MCF2L: variants seen among roughly 807,000 people sequenced by gnomAD.
MCF2L encodes the protein MCF.2 cell line derived transforming sequence like.
A neutral mutation model predicts 153.4 loss-of-function variants in MCF2L; 97 were observed. That is an observed-to-expected ratio of 0.63 (90% CI 0.54 to 0.75). The LOEUF (loss-of-function observed/expected upper bound fraction) is 0.75, where lower values mean the gene tolerates loss of function less well. Ranked by LOEUF, MCF2L falls within the 30% of genes least tolerant of loss-of-function variation. MCF2L has a pLI of 0.00. For missense variants in MCF2L, 1,347 were observed against 1,495.2 expected (o/e 0.90, Z 1.64); for synonymous variants, 659 against 632.2 (o/e 1.04, Z -0.64).
In MCF2L at chr13:113,035,577, T is replaced by C. The variant is rs924593176; in HGVS notation, c.279-9694T>C. 2.6e-5 allele frequency among the ~76,000 whole-genome samples: 4 copies of C among 152,162 alleles called. No homozygotes were observed. Among genetic ancestry groups the C allele is most frequent in the African/African-American group, 4.8e-5 (2 of 41,448 alleles). On this transcript the variant is annotated intron_variant, in intron 3 of 29. Coordinates refer to ENST00000535094, the MANE Select transcript of MCF2L (RefSeq NM_001112732.3). This position sits in a 1 kb window ranked among gnomAD's most constrained non-coding sequence, Gnocchi z 4.4. ...GGCTCCTTCGCCTGCTGCCTTTTTC[T>C]TCCATGAGGATGCGGTTCCCGTGTC...
At chr13:113,086,379 G>T (rs1044899300) in intron 21 of MCF2L, 130 bp downstream of exon 21, 24 of 1,372,912 alleles carry the variant, frequency 1.7e-5, no homozygotes, top group Non-Finnish European at 2.2e-5. Context: ...GAGGTCTGGG[G>T]TGGTCCCTAG....
At chr13:112,950,669 T>C (rs2081682973) in intron 2 of MCF2L, among the ~76,000 whole-genome samples, 1 of 152,202 alleles carries the variant, frequency 6.6e-6, no homozygotes, top group Non-Finnish European at 1.5e-5. Context: ...TAATTGGATG[T>C]CCACAGGGAG....
At chr13:113,092,406 T>C (rs150292783) in intron 26 of MCF2L, among the ~76,000 whole-genome samples, 3,208 of 144,796 alleles carry the variant, frequency 0.022, 60 homozygotes, top group Non-Finnish European at 0.034. Flanking sequence ...GTGGGTCATT[T>C]CCACCGTGGC....
At chr13:112,996,953 G>A (rs527916709) in intron 1 of MCF2L, among the ~76,000 whole-genome samples, 1 of 152,350 alleles carries the variant, frequency 6.6e-6, no homozygotes, top group African/African-American at 2.4e-5. Flanking sequence ...CAGCTGCTGG[G>A]CCAGTCCCGC....
intron 2 of MCF2L, among the ~76,000 whole-genome samples, chr13:113,018,795 G>T (rs183570980): frequency 3.9e-5 from 6 of 152,224 alleles, no homozygotes; most frequent in African/African-American, 9.6e-5. Context: ...TGCCCGGAAC[G>T]CAGAGGCCAC....
chr13:113,098,797 A>G lies in MCF2L; in HGVS notation c.*1938A>G, dbSNP rs2142175165. The G allele has an allele frequency of 6.6e-6, 1 of 152,388 alleles. No individual in the cohort carries two copies. Among genetic ancestry groups the G allele is most frequent in the African/African-American group, 2.4e-5 (1 of 41,594 alleles). 9.4% of individuals were successfully genotyped at this position (152,388 alleles called of 1,614,324 possible). ...AAGGCAGCAGAGGAAGCGTAGTGGA[A>G]CCATTACAGAATCACAATGCAGCCG... On this transcript the variant is annotated 3_prime_UTR_variant, in exon 30 of 30. Transcript: ENST00000535094.
intron 4 of MCF2L, among the ~76,000 whole-genome samples, chr13:113,050,262 GA>G (rs2087135403): frequency 8.0e-6 from 1 of 124,684 alleles, no homozygotes; most frequent in Non-Finnish European, 1.7e-5. Flanking sequence ...GAGTGTAAGT[GA>G]ATGTGTGTGA....
intron 17 of MCF2L, among the ~76,000 whole-genome samples, chr13:113,082,753 C>T (rs1056961264): frequency 1.1e-3 from 164 of 152,234 alleles, no homozygotes; most frequent in African/African-American, 3.6e-3. Context: ...TGGCCTGTGT[C>T]TAGGCAGCCA....
intron 8 of MCF2L, among the ~76,000 whole-genome samples, chr13:113,066,887 T>C (rs984421810): frequency 1.3e-5 from 2 of 152,228 alleles, no homozygotes; most frequent in Non-Finnish European, 2.9e-5. Context: ...AAGCTGGTCC[T>C]TTTGACTCTC....
intron 4 of MCF2L, among the ~76,000 whole-genome samples, chr13:113,059,969 A>C (rs1376820002): frequency 6.6e-6 from 1 of 152,260 alleles, no homozygotes. Flanking sequence ...CAGACTGACC[A>C]CTGGGCGCAC....
chr13:113,088,008 A>G (rs530924848), intron 23 of MCF2L, among the ~76,000 whole-genome samples: 75 of 152,310 alleles, frequency 4.9e-4, no homozygotes, highest in South Asian at 1.5e-3. Flanking sequence ...GCTGCGAGGA[A>G]ACGGGCTCTC....
chr13:112,959,040 A>G (rs2081793129), intron 2 of MCF2L, among the ~76,000 whole-genome samples: 1 of 152,222 alleles, frequency 6.6e-6, no homozygotes, highest in Non-Finnish European at 1.5e-5. Flanking sequence ...TACGCACAGA[A>G]TGAGCGTCGC....
intron 26 of MCF2L, chr13:113,089,950 A>G (rs1015793613): frequency 2.5e-6 from 4 of 1,597,250 alleles, no homozygotes; most frequent in Non-Finnish European, 2.6e-6. Context: ...CAGCCCCAGA[A>G]GGAGCCTCGG....
chr13:113,046,748 C>G lies in MCF2L; in HGVS notation c.369+1387C>G. On this transcript the variant is annotated intron_variant, in intron 4 of 29. Transcript: ENST00000535094. The surrounding 1 kb of genome is among the most constrained non-coding windows in gnomAD (Gnocchi z 4.4). ...CTCTCTGCCCCTCGCCGCGGCGGAT[C>G]CCCGTTCCTGACCCTGACTCAACCT... 2.1e-6 allele frequency: 1 copy of G among 470,838 alleles called. No individual in the cohort carries two copies. Among genetic ancestry groups the G allele is most frequent in the Non-Finnish European group, 4.3e-6 (1 of 230,070 alleles). 29.2% of individuals were successfully genotyped at this position (470,838 alleles called of 1,614,324 possible).
At chr13:113,026,545 G>A (rs957295998) in intron 3 of MCF2L, among the ~76,000 whole-genome samples, 3 of 152,316 alleles carry the variant, frequency 2.0e-5, no homozygotes, top group Admixed American at 6.5e-5. Flanking sequence ...GTGCTCCCTC[G>A]TATACCATCA....
At chr13:112,961,646 C>A (rs1474819947) in intron 2 of MCF2L, among the ~76,000 whole-genome samples, 1 of 152,248 alleles carries the variant, frequency 6.6e-6, no homozygotes, top group African/African-American at 2.4e-5. Flanking sequence ...AGCCCTCCTT[C>A]CCATGTCTGT....
At chr13:112,953,980 G>T (rs1208957803) in intron 2 of MCF2L, among the ~76,000 whole-genome samples, 1 of 152,244 alleles carries the variant, frequency 6.6e-6, no homozygotes, top group African/African-American at 2.4e-5. Context: ...CAACGGAACT[G>T]TCTGCTCTGA....
intron 2 of MCF2L, among the ~76,000 whole-genome samples, chr13:112,928,596 C>G (rs772369181): frequency 6.6e-6 from 1 of 152,212 alleles, no homozygotes; most frequent in Non-Finnish European, 1.5e-5. Context: ...TGACTGTCTA[C>G]TCCTAGTATT....
At chr13:112,970,827 C>T (rs2082015385) in intron 1 of MCF2L, among the ~76,000 whole-genome samples, 1 of 152,160 alleles carries the variant, frequency 6.6e-6, no homozygotes, top group Non-Finnish European at 1.5e-5. Flanking sequence ...AGCAGTGACA[C>T]TGTCTGCTCA....
Sources: gnomAD v4.1 joint callset for allele counts (sites outside exome capture counted in the v4.1 genomes callset) on GRCh38, gnomAD v4.1.1 for gene constraint, Gnocchi (gnomAD v3.1) non-coding constraint, MANE v1.5 for transcripts, NCBI Gene and HGNC (gene_info 2026-07-23, HGNC 2026-07-21) for gene names.